Variants in CDC25C observed in about 807,000 individuals in gnomAD.
CDC25C encodes the protein cell division cycle 25C, also known as M-phase inducer phosphatase 3.
CDC25C carries 48 observed loss-of-function variants against 52.5 expected under a neutral mutation model. The ratio of observed to expected loss-of-function variants is 0.91; its 90% CI spans 0.72 to 1.16. The LOEUF is 1.16. Ranked by LOEUF, CDC25C falls within the 50% of genes most tolerant of loss-of-function variation. The probability of loss-of-function intolerance (pLI) is 0.00; values close to 1 mark genes in which losing one functional copy is unlikely to be tolerated. For synonymous variants in CDC25C, 187 were observed against 206.5 expected, an observed-to-expected ratio of 0.91 and a Z score of 0.81; for missense variants, 510 against 566.1, an observed-to-expected ratio of 0.90 and a Z score of 1.01.
At chr5:138,306,807 G>T (rs540846639) in intron 7 of CDC25C, among the ~76,000 whole-genome samples, 1 of 149,032 alleles carries the variant, frequency 6.7e-6, no homozygotes, top group Admixed American at 6.7e-5. Context: ...ACATCAAAGA[G>T]GTAAAACAGT....
intron 7 of CDC25C, among the ~76,000 whole-genome samples, chr5:138,301,107 A>C (rs137869606): frequency 2.5e-4 from 38 of 152,310 alleles, no homozygotes; most frequent in African/African-American, 8.4e-4. Flanking sequence ...TCCAAAGATT[A>C]GAGTGCAAAA....
intron 7 of CDC25C, among the ~76,000 whole-genome samples, chr5:138,292,670 T>C (rs1474099769): frequency 2.6e-5 from 4 of 152,004 alleles, no homozygotes; most frequent in Non-Finnish European, 4.4e-5. Context: ...ATAGGATGGA[T>C]ACTATGAAAC....
In CDC25C at chr5:138,285,590, C is replaced by G. The variant is rs1756137455; in HGVS notation, c.*102G>C. 2 of 1,090,020 alleles carry G rather than the reference C, an allele frequency of 1.8e-6. No individual in the cohort carries two copies. The highest frequency in any genetic ancestry group is 4.7e-5 in the East Asian group (2 of 42,368). The allele number at this position is 1,090,020 out of a possible 1,614,324, so 67.5% of individuals were successfully genotyped here. A position where few individuals can be genotyped will look rare whatever the true frequency, so the allele number is the denominator to read the frequency against. Reference sequence around the variant, plus strand: ...GTAGCCTGTTGGTTTGCAGAGACATCTTTTAATAATCTTGGGTTTGGCCAT... The same window carrying G: ...GTAGCCTGTTGGTTTGCAGAGACATGTTTTAATAATCTTGGGTTTGGCCAT... On this transcript the variant is annotated 3_prime_UTR_variant, in exon 14 of 14. Transcript: ENST00000323760.
chr5:138,310,460 T>C (rs1315454338), intron 7 of CDC25C, among the ~76,000 whole-genome samples: 1 of 152,216 alleles, frequency 6.6e-6, no homozygotes, highest in African/African-American at 2.4e-5. Flanking sequence ...AATGTTTACT[T>C]TGCGGAGGAC....
chr5:138,287,537 T>C (rs534468284), intron 10 of CDC25C, among the ~76,000 whole-genome samples: 1 of 152,338 alleles, frequency 6.6e-6, no homozygotes, highest in East Asian at 1.9e-4. Flanking sequence ...GGGATAGGCA[T>C]GGCTGGACTC....
At chr5:138,315,516 T>C (rs1295940061) in intron 7 of CDC25C, among the ~76,000 whole-genome samples, 1 of 152,010 alleles carries the variant, frequency 6.6e-6, no homozygotes, top group Non-Finnish European at 1.5e-5. Context: ...ACTTAAGGAG[T>C]ACAATATAAT....
intron 9 of CDC25C, among the ~76,000 whole-genome samples, 161 bp downstream of exon 9, chr5:138,290,478 T>C (rs1230595658): frequency 6.6e-6 from 1 of 152,186 alleles, no homozygotes; most frequent in Non-Finnish European, 1.5e-5. Context: ...ATACTTTCTC[T>C]CTGGAAAGGC....
At position 138,322,320 on chromosome 5, in the gene CDC25C, GAC is replaced by G. The variant is rs1241798924; in HGVS notation, c.460-2948_460-2947del. 3.2e-5 allele frequency among the ~76,000 whole-genome samples: 4 copies of G among 125,316 alleles called. No individual in the cohort carries two copies. In the East Asian group the frequency reaches 9.9e-4, roughly 31 times the overall value. 82.2% of individuals were successfully genotyped at this position (125,316 alleles called of 152,430 possible). On this transcript the variant is annotated intron_variant, in intron 6 of 13. Coordinates refer to ENST00000323760, the MANE Select transcript of CDC25C (RefSeq NM_001790.5). ...CCGGCCTATAATTATTATTATTTGA[GAC>G]AGAGTCTCGCTCTGTCGCCCAGGCT...
At position 138,329,579 on chromosome 5, in the gene CDC25C, GTA is replaced by G. The variant is rs1296558370; in HGVS notation, c.261_262del (p.Thr88HisfsTer6). On this transcript the variant is annotated frameshift_variant, in exon 3 of 14. Transcript: ENST00000323760. LOFTEE classifies it high-confidence loss of function. ...AGTTTCATCAAGGTCTGCAGAAGTG[GTA>G]AGCTGAGTGGCAGTTATCTCCCCAC... is the stretch of plus-strand genomic sequence containing the variant. The G allele has an allele frequency of 6.2e-7, 1 of 1,612,836 alleles. No homozygotes were observed. The highest frequency in any genetic ancestry group is 8.5e-7 in the Non-Finnish European group (1 of 1,178,944).
intron 4 of CDC25C, among the ~76,000 whole-genome samples, chr5:138,328,222 A>G (rs955482683): frequency 6.6e-6 from 1 of 152,206 alleles, no homozygotes; most frequent in Non-Finnish European, 1.5e-5. Context: ...ATAAAAGCCT[A>G]TACATAAGTG....
intron 10 of CDC25C, among the ~76,000 whole-genome samples, chr5:138,287,813 T>A (rs1756377299): frequency 6.6e-6 from 1 of 152,190 alleles, no homozygotes; most frequent in African/African-American, 2.4e-5. Context: ...ACTCAGCAAT[T>A]TCTAACATCT....
At chr5:138,320,044 C>T (rs1038883537) in intron 6 of CDC25C, among the ~76,000 whole-genome samples, 18 of 152,310 alleles carry the variant, frequency 1.2e-4, no homozygotes, top group South Asian at 4.1e-4. Flanking sequence ...CAGTAGCTCA[C>T]GCCTGTAATC....
At chr5:138,294,645 C>T (rs565263042) in intron 7 of CDC25C, among the ~76,000 whole-genome samples, 4 of 151,988 alleles carry the variant, frequency 2.6e-5, no homozygotes, top group Admixed American at 2.0e-4. Context: ...GCTGGGACTA[C>T]AGGCGCCCGC....
chr5:138,306,018 C>T lies in CDC25C; in HGVS notation c.615+13201G>A, dbSNP rs1252051503. On this transcript the variant is annotated intron_variant, in intron 7 of 13. Transcript: ENST00000323760. The stretch of plus-strand genomic sequence containing the variant: ...ATCTAGCAGCAAGCCTGATCATGTT[C>T]CATGGCAGGGTGCCAGTAACGGTGG... 2.0e-5 allele frequency among the ~76,000 whole-genome samples: 3 copies of T among 152,190 alleles called. No homozygotes were observed. In the East Asian group the frequency reaches 5.8e-4, roughly 29 times the overall value.
chr5:138,290,599 A>G (rs780736415), intron 9 of CDC25C, 40 bp downstream of exon 9: 1 of 1,083,308 alleles, frequency 9.2e-7, no homozygotes, highest in Non-Finnish European at 1.4e-6. Flanking sequence ...CAGATCCAAA[A>G]TGACTCACTG....
chr5:138,289,393 G>A (rs1163106111), intron 10 of CDC25C, 108 bp downstream of exon 10: 6 of 786,474 alleles, frequency 7.6e-6, no homozygotes, highest in Admixed American at 2.0e-5. Flanking sequence ...AGGAGCCTGT[G>A]TGAGTGAACA....
intron 6 of CDC25C, 149 bp from the exon 7 acceptor site, chr5:138,319,523 AC>A (rs1759179601): frequency 1.8e-6 from 1 of 558,790 alleles, no homozygotes; most frequent in African/African-American, 1.9e-5. Flanking sequence ...AGCACAGGTA[AC>A]GAAAGAAAAA....
At chr5:138,313,236 G>A (rs541725607) in intron 7 of CDC25C, among the ~76,000 whole-genome samples, 128 of 152,020 alleles carry the variant, frequency 8.4e-4, no homozygotes, top group Non-Finnish European at 1.6e-3. Flanking sequence ...AAAATTAGCC[G>A]GCCACGGTGG....
intron 12 of CDC25C, 109 bp from the exon 13 acceptor site, chr5:138,286,242 A>G: frequency 1.1e-6 from 1 of 899,416 alleles, no homozygotes; most frequent in Non-Finnish European, 1.7e-6. Flanking sequence ...AACCTCAAAA[A>G]GGACTTTCCA....
Sources: allele counts gnomAD v4.1 joint callset (sites outside exome capture counted in the v4.1 genomes callset), GRCh38; gene constraint gnomAD v4.1.1; transcripts MANE v1.5; gene names NCBI Gene and HGNC (gene_info 2026-07-23, HGNC 2026-07-21).